CRADD: variants seen among roughly 807,000 people sequenced by gnomAD.
CRADD encodes the protein CARD and death domain containing adaptor protein, also known as death domain-containing protein CRADD.
CRADD carries 9 observed loss-of-function variants against 15.5 expected under a neutral mutation model. The observed-to-expected ratio is 0.58, with a 90% CI of 0.35 to 1.01. The LOEUF (loss-of-function observed/expected upper bound fraction) is 1.01, where lower values mean the gene tolerates loss of function less well. Among genes scored for constraint, CRADD ranks in the 50% least tolerant of loss-of-function variants. The pLI is 0.02. For missense variants in CRADD, 227 were observed against 250.3 expected (o/e 0.91, Z 0.63); for synonymous variants, 118 against 107.6 (o/e 1.10, Z -0.60).
intron 2 of CRADD, among the ~76,000 whole-genome samples, chr12:93,785,433 G>A (rs1368692491): frequency 2.0e-5 from 3 of 152,112 alleles, no homozygotes; most frequent in Admixed American, 6.5e-5. Flanking sequence ...ACTGGTATGC[G>A]TCTTCCCGAT....
At chr12:93,796,703 T>C (rs1046125078) in intron 2 of CRADD, among the ~76,000 whole-genome samples, 19 of 152,134 alleles carry the variant, frequency 1.2e-4, no homozygotes, top group African/African-American at 3.6e-4. Context: ...AGACTTTTCC[T>C]TGTCAAGATT....
At chr12:93,884,320 G>A (rs1048505196) in intron 2 of CRADD, among the ~76,000 whole-genome samples, 5 of 152,112 alleles carry the variant, frequency 3.3e-5, no homozygotes. Flanking sequence ...CTAAACCTTG[G>A]GATCTTAGTA....
chr12:93,894,397 T>G, exon 3 of CRADD: 1 of 451,940 alleles, frequency 2.2e-6, no homozygotes, highest in Non-Finnish European at 4.1e-6. Context: ...GTGCAGAGGG[T>G]GAGAAGCCCT....
chr12:93,806,746 G>T (rs1957544026), intron 2 of CRADD, among the ~76,000 whole-genome samples: 1 of 152,216 alleles, frequency 6.6e-6, no homozygotes, highest in African/African-American at 2.4e-5. Flanking sequence ...GATTGATGGT[G>T]TGTGGAATAA....
chr12:93,776,307 G>A (rs1022724641), intron 2 of CRADD, among the ~76,000 whole-genome samples: 2 of 152,104 alleles, frequency 1.3e-5, no homozygotes, highest in African/African-American at 2.4e-5. Flanking sequence ...TCCTTATAGC[G>A]ATCTGCAAAC....
chr12:93,770,361 T>A lies in CRADD; in HGVS notation c.299-79609T>A, dbSNP rs369728630. ...ATCCGCCCGCCTCGGCCTCCCAAAG[T>A]GCTGGGATTACAAGCGTGAGCCACC... On this transcript the variant is annotated intron_variant, in intron 2 of 2. Coordinates refer to ENST00000332896, the MANE Select transcript of CRADD (RefSeq NM_003805.5). 1.4e-4 allele frequency among the ~76,000 whole-genome samples: 21 copies of A among 152,200 alleles called. 2 individuals are homozygous for A. The highest frequency in any genetic ancestry group is 1.2e-3 in the Admixed American group (19 of 15,292).
intron 2 of CRADD, among the ~76,000 whole-genome samples, chr12:93,832,163 A>G (rs1043388268): frequency 6.6e-6 from 1 of 152,208 alleles, no homozygotes; most frequent in Non-Finnish European, 1.5e-5. Flanking sequence ...GTCAATCACC[A>G]TATCACTGCC....
chr12:93,811,363 G>A (rs1957624625), intron 2 of CRADD, among the ~76,000 whole-genome samples: 1 of 152,212 alleles, frequency 6.6e-6, no homozygotes, highest in Non-Finnish European at 1.5e-5. Flanking sequence ...TCCAGGCTGT[G>A]TGATAGGACA....
At position 93,824,073 on chromosome 12, in the gene CRADD, C is replaced by T. The variant is rs1223997094; in HGVS notation, c.299-25897C>T. Among the ~76,000 whole-genome samples the T allele has an allele frequency of 7.2e-5, 11 of 152,230 alleles. No homozygotes were observed. Among genetic ancestry groups the T allele is most frequent in the Admixed American group, 5.9e-4 (9 of 15,290 alleles). ...TTACCGTGTTCCAAAACACTGGCTC[C>T]GTTTGGTGTGTGTTTTGTTTTTATT... On this transcript the variant is annotated intron_variant, in intron 2 of 2. Coordinates refer to ENST00000332896, the MANE Select transcript of CRADD (RefSeq NM_003805.5). This position sits in a 1 kb window ranked among gnomAD's most constrained non-coding sequence, Gnocchi z 4.3.
intron 2 of CRADD, among the ~76,000 whole-genome samples, chr12:93,779,620 C>G (rs1396476699): frequency 6.9e-6 from 1 of 144,656 alleles, no homozygotes; most frequent in Non-Finnish European, 1.5e-5. Flanking sequence ...GACAGAGTCT[C>G]ACTCTGTCAC....
chr12:93,863,089 A>G (rs1286020746), intron 2 of CRADD, among the ~76,000 whole-genome samples: 1 of 152,140 alleles, frequency 6.6e-6, no homozygotes, highest in Non-Finnish European at 1.5e-5. Context: ...ATTTTTTATT[A>G]TATGACTTGT....
At chr12:93,806,915 A>T (rs1463631616) in intron 2 of CRADD, among the ~76,000 whole-genome samples, 1 of 152,176 alleles carries the variant, frequency 6.6e-6, no homozygotes, top group Non-Finnish European at 1.5e-5. Flanking sequence ...TTTAAAGATA[A>T]TCCACATCAC....
At chr12:93,892,609 T>G (rs1958584041) in intron 2 of CRADD, among the ~76,000 whole-genome samples, 1 of 151,678 alleles carries the variant, frequency 6.6e-6, no homozygotes, top group African/African-American at 2.4e-5. Flanking sequence ...CTAGTAGGAG[T>G]GGGTGGGCAC....
At chr12:93,733,061 G>T (rs1199301823) in intron 2 of CRADD, among the ~76,000 whole-genome samples, 1 of 152,150 alleles carries the variant, frequency 6.6e-6, no homozygotes, top group Non-Finnish European at 1.5e-5. Context: ...CTTTTTAGGG[G>T]TTGTAAGGAT....
At chr12:93,772,314 T>G (rs945005602) in intron 2 of CRADD, among the ~76,000 whole-genome samples, 2 of 152,190 alleles carry the variant, frequency 1.3e-5, no homozygotes, top group African/African-American at 4.8e-5. Flanking sequence ...AAAAGAGTAT[T>G]GAAGTTGGAA....
At chr12:93,851,059 G>T (rs140815931), downstream of CRADD, among the ~76,000 whole-genome samples, 1,279 of 152,278 alleles carry the variant, frequency 8.4e-3, 17 homozygotes, top group African/African-American at 0.029. Flanking sequence ...GGGACGAGAG[G>T]GGGTGTGGTC....
chr12:93,800,213 C>T (rs1957462131), intron 2 of CRADD, among the ~76,000 whole-genome samples: 1 of 152,010 alleles, frequency 6.6e-6, no homozygotes, highest in South Asian at 2.1e-4. Flanking sequence ...GGGGTAGGGA[C>T]TGGGGGTGTA....
At chr12:93,700,838 G>A (rs1955828937) in intron 2 of CRADD, among the ~76,000 whole-genome samples, 5 of 152,062 alleles carry the variant, frequency 3.3e-5, no homozygotes, top group South Asian at 2.1e-4. Flanking sequence ...TCTTTGCCAC[G>A]TTAACTCCAG....
intron 2 of CRADD, among the ~76,000 whole-genome samples, chr12:93,709,239 A>C (rs1956015383): frequency 6.6e-6 from 1 of 152,232 alleles, no homozygotes; most frequent in African/African-American, 2.4e-5. Context: ...TTGCACAGGA[A>C]GTGATTTATT....
Sources: gnomAD v4.1 joint callset for allele counts (sites outside exome capture counted in the v4.1 genomes callset) on GRCh38, gnomAD v4.1.1 for gene constraint, Gnocchi (gnomAD v3.1) non-coding constraint, MANE v1.5 for transcripts, NCBI Gene and HGNC (gene_info 2026-07-23, HGNC 2026-07-21) for gene names.